Variants in BICC1 observed in about 807,000 individuals in gnomAD.
BICC1 encodes the protein BicC family RNA binding protein 1, also known as protein bicaudal C homolog 1.
Under a neutral mutation model 111.0 loss-of-function variants are expected in BICC1, and 43 were observed. The observed-to-expected ratio is 0.39, with a 90% CI of 0.30 to 0.50. The LOEUF (loss-of-function observed/expected upper bound fraction) is 0.50. Among genes scored for constraint, BICC1 ranks in the 20% least tolerant of loss-of-function variants. BICC1 has a pLI of 0.88. For missense variants in BICC1, 1,091 were observed against 1,203.2 expected, an observed-to-expected ratio of 0.91 and a Z score of 1.38; for synonymous variants, 467 against 434.4, an observed-to-expected ratio of 1.07 and a Z score of -0.93.
chr10:58,618,644 C>G (rs546225932), intron 1 of BICC1, among the ~76,000 whole-genome samples: 18 of 152,188 alleles, frequency 1.2e-4, no homozygotes, highest in Admixed American at 2.6e-4. Context: ...TGGAACCTGA[C>G]ACTTGGCGTG....
chr10:58,560,198 C>G (rs1417786300), intron 1 of BICC1, among the ~76,000 whole-genome samples: 1 of 151,826 alleles, frequency 6.6e-6, no homozygotes, highest in Admixed American at 6.6e-5. Context: ...CATTCTTGAG[C>G]TTTTCTTTGT....
intron 1 of BICC1, among the ~76,000 whole-genome samples, chr10:58,572,832 T>G (rs559079270): frequency 6.6e-6 from 1 of 152,288 alleles, no homozygotes; most frequent in East Asian, 1.9e-4. Context: ...CTTTGATCCC[T>G]CAACATGGAA....
intron 1 of BICC1, among the ~76,000 whole-genome samples, chr10:58,601,142 A>T (rs1295126966): frequency 8.4e-6 from 1 of 119,524 alleles, no homozygotes; most frequent in African/African-American, 2.9e-5. Context: ...TTTAAAACTT[A>T]TATATATATA....
chr10:58,696,311 GAAAA>G (rs1026005762), intron 2 of BICC1, among the ~76,000 whole-genome samples: 2 of 149,772 alleles, frequency 1.3e-5, no homozygotes, highest in African/African-American at 2.5e-5. Flanking sequence ...TTTTCATGAT[GAAAA>G]AAAAACTTTT....
chr10:58,590,802 C>T (rs894315750), intron 1 of BICC1, among the ~76,000 whole-genome samples: 2 of 152,160 alleles, frequency 1.3e-5, no homozygotes, highest in Admixed American at 1.3e-4. Context: ...TTTAAAAAGG[C>T]AGCTGCCTGT....
chr10:58,732,411 A>G lies in BICC1; in HGVS notation c.307+30268A>G, dbSNP rs1362864816. Among the ~76,000 whole-genome samples, 55 of 79,896 alleles carry G rather than the reference A, an allele frequency of 6.9e-4. 4 individuals are homozygous for G. The highest frequency in any genetic ancestry group is 2.4e-3 in the African/African-American group (42 of 17,644). 52.4% of individuals were successfully genotyped at this position (79,896 alleles called of 152,430 possible). A position where few individuals can be genotyped will look rare whatever the true frequency, so the allele number is the denominator to read the frequency against. ...TATATATATATATATATATATATAT[A>G]TATATATATATATATATATATATAT... On this transcript the variant is annotated intron_variant, in intron 3 of 20. Transcript: ENST00000373886.
At chr10:58,736,923 A>AATTTT (rs1011326715) in intron 3 of BICC1, among the ~76,000 whole-genome samples, 54 of 152,024 alleles carry the variant, frequency 3.6e-4, no homozygotes, top group African/African-American at 9.2e-4. Context: ...AAATAGAACT[A>AATTTT]ATTTTATTTT....
intron 3 of BICC1, among the ~76,000 whole-genome samples, chr10:58,712,338 C>G (rs879930461): frequency 6.6e-6 from 1 of 152,188 alleles, no homozygotes; most frequent in Non-Finnish European, 1.5e-5. Flanking sequence ...ATGCAGCTGT[C>G]TCTCTCCTTG....
At chr10:58,819,061 C>T (rs1162568357) in intron 19 of BICC1, among the ~76,000 whole-genome samples, 1 of 152,152 alleles carries the variant, frequency 6.6e-6, no homozygotes, top group Non-Finnish European at 1.5e-5. Flanking sequence ...AAACTGTGGT[C>T]TGTAGGCCAA....
intron 1 of BICC1, among the ~76,000 whole-genome samples, chr10:58,619,791 G>T (rs1048933205): frequency 1.3e-5 from 2 of 152,158 alleles, no homozygotes; most frequent in African/African-American, 4.8e-5. Context: ...GTCAAAACTT[G>T]CTAAGTGACA....
intron 2 of BICC1, among the ~76,000 whole-genome samples, chr10:58,698,444 T>A (rs957954822): frequency 6.6e-6 from 1 of 152,124 alleles, no homozygotes; most frequent in Non-Finnish European, 1.5e-5. Context: ...CAACTTTTTC[T>A]CCTCCTTTAG....
At chr10:58,529,174 G>C (rs564519728) in intron 1 of BICC1, among the ~76,000 whole-genome samples, 3 of 151,872 alleles carry the variant, frequency 2.0e-5, no homozygotes, top group African/African-American at 7.2e-5. Flanking sequence ...GATTTTATGC[G>C]TCTTCAAGTA....
chr10:58,775,572 C>T (rs945062270), intron 3 of BICC1, among the ~76,000 whole-genome samples: 8 of 152,118 alleles, frequency 5.3e-5, no homozygotes, highest in African/African-American at 1.9e-4. Flanking sequence ...TTCCCATCTC[C>T]TCGCCCAAAG....
At chr10:58,751,069 C>T (rs978614182) in intron 3 of BICC1, among the ~76,000 whole-genome samples, 1 of 152,034 alleles carries the variant, frequency 6.6e-6, no homozygotes, top group East Asian at 1.9e-4. Flanking sequence ...GGGTTTGAAA[C>T]AGAAGATGCA....
intron 2 of BICC1, among the ~76,000 whole-genome samples, chr10:58,641,628 A>G (rs1309675848): frequency 1.3e-5 from 2 of 152,216 alleles, no homozygotes; most frequent in Non-Finnish European, 2.9e-5. Context: ...TTTAAGTTCT[A>G]ATAATACAGC....
At chr10:58,656,827 C>T (rs956845385) in intron 2 of BICC1, among the ~76,000 whole-genome samples, 1 of 152,136 alleles carries the variant, frequency 6.6e-6, no homozygotes, top group Non-Finnish European at 1.5e-5. Flanking sequence ...TTAAATGACA[C>T]CTCCATACTC....
At chr10:58,820,490 A>G (rs992524026) in intron 20 of BICC1, 22 bp downstream of exon 20, 13 of 1,528,502 alleles carry the variant, frequency 8.5e-6, no homozygotes, top group South Asian at 2.2e-5. Flanking sequence ...TATTCAACTC[A>G]TATGTTAAAA....
At chr10:58,617,494 C>T (rs1028918436) in intron 1 of BICC1, among the ~76,000 whole-genome samples, 25 of 152,164 alleles carry the variant, frequency 1.6e-4, no homozygotes, top group African/African-American at 5.1e-4. Flanking sequence ...CCTGAGGCAC[C>T]CCTCCATTCC....
At chr10:58,743,741 C>T (rs1841743205) in intron 3 of BICC1, among the ~76,000 whole-genome samples, 2 of 150,056 alleles carry the variant, frequency 1.3e-5, no homozygotes, top group African/African-American at 4.9e-5. Flanking sequence ...AAAGGAAATT[C>T]AAGTCTTTTC....
Sources: allele counts gnomAD v4.1 joint callset (sites outside exome capture counted in the v4.1 genomes callset), GRCh38; gene constraint gnomAD v4.1.1; transcripts MANE v1.5; gene names NCBI Gene and HGNC (gene_info 2026-07-23, HGNC 2026-07-21).